The following BCHE variants were observed in gnomAD, a reference collection of about 807,000 sequenced individuals.
BCHE encodes butyrylcholinesterase.
In BCHE, 48 loss-of-function variants were observed where a neutral mutation model predicts 51.3. The ratio of observed to expected loss-of-function variants is 0.94; its 90% CI spans 0.74 to 1.19. BCHE has a LOEUF of 1.19. Ranked by LOEUF, BCHE falls within the 50% of genes most tolerant of loss-of-function variation. The pLI is 0.00. For synonymous variants in BCHE, 251 were observed against 238.0 expected (o/e 1.05, Z -0.50); for missense variants, 847 against 708.2 (o/e 1.20, Z -2.23).
At chr3:165,777,333 C>G (rs2668212) in intron 3 of BCHE, among the ~76,000 whole-genome samples, 8 of 149,010 alleles carry the variant, frequency 5.4e-5, no homozygotes. Flanking sequence ...TACTTTTTGC[C>G]AAAGAAAAAT....
At chr3:165,804,729 G>A (rs1713809466) in intron 2 of BCHE, among the ~76,000 whole-genome samples, 1 of 152,194 alleles carries the variant, frequency 6.6e-6, no homozygotes, top group African/African-American at 2.4e-5. Flanking sequence ...ATATCCTTTA[G>A]AAGTGTTGAA....
intron 2 of BCHE, among the ~76,000 whole-genome samples, chr3:165,818,951 C>T (rs1714408288): frequency 1.3e-5 from 2 of 152,026 alleles, no homozygotes; most frequent in Admixed American, 1.3e-4. Flanking sequence ...CCTCTAATGC[C>T]ATGCTCTTTT....
At position 165,829,871 on chromosome 3, in the gene BCHE, C is replaced by A. The variant is rs1383286555; in HGVS notation, c.1163G>T (p.Gly388Val). Residue 388 changes from glycine to valine, a missense_variant, in exon 2 of 4, where the codon GGA becomes GTA. Transcript: ENST00000264381. ...FQEGLKIFFPGVSEFGKESIL... is the reference protein window; with the variant it reads ...FQEGLKIFFPVVSEFGKESIL... ...GGATTCCTTTCCAAACTCACTCACT[C>A]CTGGAAAAAATATTTTTAAACCTTC... is the stretch of plus-strand genomic sequence containing the variant. 2 of 1,611,668 alleles carry A rather than the reference C, an allele frequency of 1.2e-6. No homozygotes were observed. The highest frequency in any genetic ancestry group is 2.7e-5 in the African/African-American group (2 of 74,624).
intron 2 of BCHE, among the ~76,000 whole-genome samples, chr3:165,805,884 C>T (rs964606576): frequency 3.3e-5 from 5 of 152,102 alleles, no homozygotes; most frequent in Non-Finnish European, 7.4e-5. Context: ...TTCTCACACA[C>T]TCTCCATATC....
chr3:165,821,695 C>T (rs943404488), intron 2 of BCHE, among the ~76,000 whole-genome samples: 3 of 151,776 alleles, frequency 2.0e-5, no homozygotes, highest in Non-Finnish European at 4.4e-5. Context: ...AAATCAGAAA[C>T]AAAATTGATT....
intron 3 of BCHE, 97 bp downstream of exon 3, chr3:165,786,048 A>G: frequency 1.6e-6 from 2 of 1,286,224 alleles, no homozygotes; most frequent in East Asian, 4.7e-5. Flanking sequence ...AGAGATACAT[A>G]TAGTAACTCC....
chr3:165,824,662 T>C (rs981207339), intron 2 of BCHE, among the ~76,000 whole-genome samples: 1 of 151,982 alleles, frequency 6.6e-6, no homozygotes, highest in African/African-American at 2.4e-5. Context: ...AATTGATAAA[T>C]CTACCAAACT....
intron 2 of BCHE, among the ~76,000 whole-genome samples, chr3:165,822,159 A>G (rs1194852824): frequency 6.6e-6 from 1 of 152,048 alleles, no homozygotes; most frequent in Non-Finnish European, 1.5e-5. Flanking sequence ...AAAGCATTAG[A>G]AAATATTAAC....
At chr3:165,817,815 A>C (rs892609199) in intron 2 of BCHE, among the ~76,000 whole-genome samples, 1 of 152,098 alleles carries the variant, frequency 6.6e-6, no homozygotes, top group Non-Finnish European at 1.5e-5. Flanking sequence ...GGTAATAGGG[A>C]TGCAGCAGTA....
rs536053456 is a variant in BCHE at position 165,827,751 on chromosome 3, G to A, written c.1517+1766C>T. ...GATGTAATATGGATAAAGTCTTGAGGGAGAGAGCAGAATGAGATATAAGTA... is the reference window on the plus strand; with the variant it reads ...GATGTAATATGGATAAAGTCTTGAGAGAGAGAGCAGAATGAGATATAAGTA... On this transcript the variant is annotated intron_variant, in intron 2 of 3. Coordinates refer to ENST00000264381, the MANE Select transcript of BCHE (RefSeq NM_000055.4). Among the ~76,000 whole-genome samples, 17 of 152,080 alleles carry A rather than the reference G, an allele frequency of 1.1e-4. No homozygotes were observed. In the East Asian group the frequency reaches 2.9e-3, roughly 26 times the overall value.
Position 165,837,354 on chromosome 3 carries a change from G to A in BCHE, c.-49C>T. ...AAAGATGGCAAAGTTTGCAAGGAGTGAAAATCATGTAATACTTCGGGGAAA... is the reference window on the plus strand; with the variant it reads ...AAAGATGGCAAAGTTTGCAAGGAGTAAAAATCATGTAATACTTCGGGGAAA... On this transcript the variant is annotated 5_prime_UTR_variant, in exon 1 of 4. Transcript: ENST00000264381. 7.8e-7 allele frequency: 1 copy of A among 1,289,768 alleles called. No homozygotes were observed. The highest frequency in any genetic ancestry group is 1.0e-6 in the Non-Finnish European group (1 of 988,832). 79.9% of individuals were successfully genotyped at this position (1,289,768 alleles called of 1,614,324 possible).
intron 2 of BCHE, among the ~76,000 whole-genome samples, chr3:165,786,861 T>C (rs1467545761): frequency 6.6e-6 from 1 of 151,826 alleles, no homozygotes; most frequent in East Asian, 1.9e-4. Flanking sequence ...TAGATCTGTT[T>C]ACTAATTAAA....
intron 2 of BCHE, among the ~76,000 whole-genome samples, chr3:165,798,765 G>A (rs1311474562): frequency 6.6e-6 from 1 of 152,030 alleles, no homozygotes; most frequent in African/African-American, 2.4e-5. Context: ...GAGTTAGAAG[G>A]ATTTCTTGAG....
At chr3:165,819,074 C>CTTTT (rs5854159) in intron 2 of BCHE, among the ~76,000 whole-genome samples, 28 of 136,578 alleles carry the variant, frequency 2.1e-4, no homozygotes, top group African/African-American at 6.5e-4. Flanking sequence ...TTTTTAACTT[C>CTTTT]TTTTTTTTTT....
At chr3:165,804,378 T>G (rs965901825) in intron 2 of BCHE, among the ~76,000 whole-genome samples, 8 of 152,160 alleles carry the variant, frequency 5.3e-5, no homozygotes, top group African/African-American at 1.7e-4. Flanking sequence ...ATTACATATT[T>G]TTTTTTACAG....
rs188410082 is a variant in BCHE, at chr3:165,773,718, A to G, written c.1685-212T>C. On this transcript the variant is annotated intron_variant, in intron 3 of 3. Coordinates refer to ENST00000264381, the MANE Select transcript of BCHE (RefSeq NM_000055.4). ...TTATGTGAAAATGCAAATAATGTAT[A>G]TATAATTTATATAACGTATAACATA... is the stretch of plus-strand genomic sequence containing the variant. 3.3e-5 allele frequency among the ~76,000 whole-genome samples: 5 copies of G among 152,114 alleles called. No individual in the cohort carries two copies. The East Asian group carries it at 9.7e-4, about 29-fold the overall frequency.
intron 1 of BCHE, among the ~76,000 whole-genome samples, chr3:165,831,542 C>A (rs1714990207): frequency 6.6e-6 from 1 of 152,092 alleles, no homozygotes; most frequent in African/African-American, 2.4e-5. Flanking sequence ...TCATTATTGT[C>A]CTTTTCTGTT....
At chr3:165,816,520 T>A (rs992795053) in intron 2 of BCHE, among the ~76,000 whole-genome samples, 7 of 151,966 alleles carry the variant, frequency 4.6e-5, no homozygotes, top group African/African-American at 1.7e-4. Flanking sequence ...TTGCAATTAC[T>A]GATTCCTCTC....
In BCHE at chr3:165,774,660, C is replaced by T. The variant is rs1402618689; in HGVS notation, c.1685-1154G>A. Among the ~76,000 whole-genome samples, 7 of 152,120 alleles carry T rather than the reference C, an allele frequency of 4.6e-5. No homozygotes were observed. In the East Asian group the frequency reaches 7.7e-4, roughly 17 times the overall value. ...GCCAATACATTTTAATGGGAAACAA[C>T]ATTAAGTCATTGTTTCAGCCACTTA... On this transcript the variant is annotated intron_variant, in intron 3 of 3. Coordinates refer to ENST00000264381, the MANE Select transcript of BCHE (RefSeq NM_000055.4).
Sources: gnomAD v4.1 joint callset for allele counts (sites outside exome capture counted in the v4.1 genomes callset) on GRCh38, gnomAD v4.1.1 for gene constraint, MANE v1.5 for transcripts, NCBI Gene and HGNC (gene_info 2026-07-23, HGNC 2026-07-21) for gene names.